DBN1: variants seen among roughly 807,000 people sequenced by gnomAD.
The protein encoded by DBN1 is drebrin.
Under a neutral mutation model 83.5 loss-of-function variants are expected in DBN1, and 21 were observed. The observed-to-expected ratio is 0.25, with a 90% CI of 0.18 to 0.36. The LOEUF (loss-of-function observed/expected upper bound fraction) is 0.36, where lower values mean the gene tolerates loss of function less well. Among genes scored for constraint, DBN1 ranks in the 10% least tolerant of loss-of-function variants. The pLI is 1.00. For synonymous variants in DBN1, 381 were observed against 384.9 expected (o/e 0.99, Z 0.12); for missense variants, 874 against 935.7 (o/e 0.93, Z 0.86).
chr5:177,462,292 C>T (rs546978912), intron 8 of DBN1: 4 of 985,524 alleles, frequency 4.1e-6, no homozygotes, highest in South Asian at 4.7e-5. Flanking sequence ...CAGGCACACC[C>T]GTTCCCACCT....
At chr5:177,472,389 G>A (rs962938474) in intron 1 of DBN1, 2 of 1,456,760 alleles carry the variant, frequency 1.4e-6, no homozygotes, top group Middle Eastern at 2.0e-4. Context: ...AACCAGATGG[G>A]CACCTTCCCT....
chr5:177,470,300 G>C, intron 1 of DBN1, among the ~76,000 whole-genome samples: 1 of 152,148 alleles, frequency 6.6e-6, no homozygotes, highest in Non-Finnish European at 1.5e-5. Flanking sequence ...AGCAGGCTCT[G>C]TCTCTCTCCA....
chr5:177,470,872 A>C (rs1757797718), intron 1 of DBN1, among the ~76,000 whole-genome samples: 1 of 149,416 alleles, frequency 6.7e-6, no homozygotes, highest in African/African-American at 2.5e-5. Flanking sequence ...AACCACAGGG[A>C]ATCAGGATGG....
intron 1 of DBN1, among the ~76,000 whole-genome samples, chr5:177,469,177 A>G (rs1757675549): frequency 6.6e-6 from 1 of 152,166 alleles, no homozygotes; most frequent in Non-Finnish European, 1.5e-5. Flanking sequence ...CTGGCAGCCT[A>G]CAACCCAGTG....
At chr5:177,464,877 G>A (rs1292117694) in intron 8 of DBN1, among the ~76,000 whole-genome samples, 11 of 152,032 alleles carry the variant, frequency 7.2e-5, no homozygotes, top group East Asian at 1.9e-4. Context: ...GAGGCAGGCC[G>A]GGTGCAGTGG....
chr5:177,458,178 C>G lies in DBN1; in HGVS notation c.1794G>C (p.Glu598Asp), dbSNP rs1055667148. ...TFCDPEEVEG[E>D]SLAAPQTPTL... The stretch of plus-strand genomic sequence containing the variant: ...TTGGGGTCTGGGGGGCAGCCAGGGA[C>G]TCCCCTTCCACTTCCTCTGGGTCAC... The change falls in exon 13 of 15, where the codon GAG becomes GAC. Residue 598 changes from glutamate to aspartate, a missense_variant. By Grantham distance (45) the Glu-to-Asp change is conservative. Coordinates refer to ENST00000393565, the MANE Select transcript of DBN1 (RefSeq NM_001363541.2). The G allele has an allele frequency of 8.7e-6, 14 of 1,612,796 alleles. No individual in the cohort carries two copies. Among genetic ancestry groups the G allele is most frequent in the Non-Finnish European group, 1.2e-5 (14 of 1,179,760 alleles).
intron 8 of DBN1, among the ~76,000 whole-genome samples, chr5:177,461,124 A>T (rs1581720489): frequency 1.2e-5 from 1 of 80,060 alleles, no homozygotes. Context: ...TTTGAGACGG[A>T]GTCTCGCTCT....
rs189039062 is a variant in DBN1 at position 177,468,351 on chromosome 5, G to A, written c.143-131C>T. On this transcript the variant is annotated intron_variant, in intron 2 of 14. Coordinates refer to ENST00000393565, the MANE Select transcript of DBN1 (RefSeq NM_001363541.2). ...AGGGGTCTTCTGGCCTCTGGGGTCTGTGGGTCCCAGTTTTGTGTTGGTATG... is the reference window on the plus strand; with the variant it reads ...AGGGGTCTTCTGGCCTCTGGGGTCTATGGGTCCCAGTTTTGTGTTGGTATG... 2.2e-5 allele frequency: 16 copies of A among 719,848 alleles called. No individual in the cohort carries two copies. The African/African-American group carries it at 2.8e-4, about 13-fold the overall frequency. The allele number at this position is 719,848 out of a possible 1,614,324, so 44.6% of individuals were successfully genotyped here.
chr5:177,473,243 G>A (rs1248348310), intron 1 of DBN1, 193 bp downstream of exon 1: 2 of 242,040 alleles, frequency 8.3e-6, no homozygotes, highest in Non-Finnish European at 1.5e-5. Context: ...CTCGGGGCCC[G>A]GCAGTGCCCC....
chr5:177,469,097 G>A (rs994486354), intron 1 of DBN1, among the ~76,000 whole-genome samples, 198 bp from the exon 2 acceptor site: 1 of 152,056 alleles, frequency 6.6e-6, no homozygotes, highest in Admixed American at 6.5e-5. Context: ...CCTGGGTCAG[G>A]GGGGCGCAGG....
At chr5:177,472,775 C>T in intron 1 of DBN1, 1 of 986,946 alleles carries the variant, frequency 1.0e-6, no homozygotes, top group African/African-American at 1.7e-5. Flanking sequence ...GGAGAGCTCA[C>T]CCCTGCCTCC....
At position 177,467,451 on chromosome 5, in the gene DBN1, A is replaced by T. The variant is rs373509524; in HGVS notation, c.477+30T>A. On this transcript the variant is annotated intron_variant, in intron 5 of 14. Coordinates refer to ENST00000393565, the MANE Select transcript of DBN1 (RefSeq NM_001363541.2). This position sits in a 1 kb window ranked among gnomAD's most constrained non-coding sequence, Gnocchi z 9.1. ...GACTCGGGCACCAGGCCACGCAGGC[A>T]GAGCCCACGGGTGCCAAACACACAC... 1.2e-6 allele frequency: 2 copies of T among 1,609,178 alleles called. No homozygotes were observed. The highest frequency in any genetic ancestry group is 2.7e-5 in the African/African-American group (2 of 74,816).
rs759917222 is a variant in DBN1, at chr5:177,458,092, G to A, written c.1880C>T (p.Thr627Ile). The change falls in exon 13 of 15, where the codon ACC becomes ATC. Residue 627 changes from threonine (T) to isoleucine (I), a missense_variant. Thr to Ile is a moderately conservative substitution (Grantham distance 89, BLOSUM62 -1). Transcript: ENST00000393565. ...QEQEPEPHLL[T>I]NGETTQKEGT... ...CTCCTTCTGGGTGGTCTCGCCATTG[G>A]TTAGCAGGTGGGGCTCCGGCTCCTG... The A allele has an allele frequency of 3.7e-6, 6 of 1,613,688 alleles. 1 individual carries two copies. The South Asian group carries it at 6.6e-5, about 18-fold the overall frequency.
chr5:177,459,589 G>T lies in DBN1; in HGVS notation c.1093+14C>A. The T allele has an allele frequency of 6.6e-7, 1 of 1,503,814 alleles. No homozygotes were observed. Among genetic ancestry groups the T allele is most frequent in the South Asian group, 1.3e-5 (1 of 78,182 alleles). The allele number at this position is 1,503,814 out of a possible 1,614,324, so 93.2% of individuals were successfully genotyped here. A position where few individuals can be genotyped will look rare whatever the true frequency, so the allele number is the denominator to read the frequency against. On this transcript the variant is annotated intron_variant, in intron 11 of 14. Coordinates refer to ENST00000393565, the MANE Select transcript of DBN1 (RefSeq NM_001363541.2). Reference sequence around the variant, plus strand: ...TCCTTACCACCCCCGCCGAGGCCTGGGGCTGCTACCTACATGGGAGGGAGG... The same window carrying T: ...TCCTTACCACCCCCGCCGAGGCCTGTGGCTGCTACCTACATGGGAGGGAGG...
rs534580030 is a variant in DBN1 at position 177,459,195 on chromosome 5, G to A, written c.1167C>T (p.Thr389=). 8.2e-5 allele frequency: 132 copies of A among 1,611,404 alleles called. 1 individual carries two copies. In the Admixed American group the frequency reaches 1.3e-3, roughly 16 times the overall value. The part of the protein sequence containing the change: ...IPTRSPSDSS[T]ASTPVAEQIE... Reference sequence around the variant, plus strand: ...TCTGCTCAGCGACAGGGGTGGAGGCGGTGCTGGAGTCAGACGGGCTCCGCG... The same window carrying A: ...TCTGCTCAGCGACAGGGGTGGAGGCAGTGCTGGAGTCAGACGGGCTCCGCG... The change falls in exon 12 of 15, where the codon ACC becomes ACT. Residue 389 remains threonine, a synonymous_variant. Coordinates refer to ENST00000393565, the MANE Select transcript of DBN1 (RefSeq NM_001363541.2).
At position 177,466,519 on chromosome 5, in the gene DBN1, C is replaced by G. The variant is rs1172007287; in HGVS notation, c.771+253G>C. ...GAGGGGGAGCCTGGTCAGTGAGGGT[C>G]TGGGTCTAGATGGAGTTTCTCTTCC... On this transcript the variant is annotated intron_variant, in intron 8 of 14. Transcript: ENST00000393565. This position sits in a 1 kb window ranked among gnomAD's most constrained non-coding sequence, Gnocchi z 4.8. 6.6e-6 allele frequency among the ~76,000 whole-genome samples: 1 copy of G among 152,226 alleles called. No individual in the cohort carries two copies. The highest frequency in any genetic ancestry group is 2.1e-4 in the South Asian group (1 of 4,832).
intron 2 of DBN1, chr5:177,468,429 C>T (rs1339789530): frequency 3.4e-6 from 2 of 593,388 alleles, no homozygotes; most frequent in African/African-American, 1.9e-5. Context: ...TCCTGCAGGG[C>T]CTGATTTGGG....
chr5:177,469,102 C>T (rs942370292), intron 1 of DBN1, among the ~76,000 whole-genome samples: 49 of 151,656 alleles, frequency 3.2e-4, no homozygotes, highest in East Asian at 7.8e-4. Flanking sequence ...GTCAGGGGGG[C>T]GCAGGCAGTG....
intron 8 of DBN1, among the ~76,000 whole-genome samples, chr5:177,465,049 A>G (rs892831172): frequency 2.0e-5 from 3 of 152,190 alleles, no homozygotes; most frequent in Non-Finnish European, 2.9e-5. Flanking sequence ...AGCTACTTGG[A>G]GGCTGAGGCA....
Sources: allele counts gnomAD v4.1 joint callset (sites outside exome capture counted in the v4.1 genomes callset), GRCh38; gene constraint gnomAD v4.1.1; non-coding constraint Gnocchi (gnomAD v3.1); transcripts MANE v1.5; gene names NCBI Gene and HGNC (gene_info 2026-07-23, HGNC 2026-07-21).